Variants in DNAH10 observed in about 807,000 individuals in gnomAD.
DNAH10 encodes the protein dynein axonemal heavy chain 10, also known as axonemal beta dynein heavy chain 10.
DNAH10 carries 348 observed loss-of-function variants against 506.6 expected under a neutral mutation model. The observed-to-expected ratio is 0.69, with a 90% CI of 0.63 to 0.75. The LOEUF is 0.75. Among genes scored for constraint, DNAH10 ranks in the 30% least tolerant of loss-of-function variants. DNAH10 has a pLI of 0.00. For missense variants in DNAH10, 5,179 were observed against 5,787.1 expected (o/e 0.89, Z 3.41); for synonymous variants, 2,059 against 2,198.6 (o/e 0.94, Z 1.78).
chr12:123,830,919 G>A (rs1203985549), intron 26 of DNAH10, among the ~76,000 whole-genome samples: 1 of 152,032 alleles, frequency 6.6e-6, no homozygotes. Context: ...CTCCAGCCTG[G>A]GTGACAGGGT....
In DNAH10 at chr12:123,785,678, C is replaced by T; in HGVS notation, c.1231-68C>T. 1 of 1,096,884 alleles carries T rather than the reference C, an allele frequency of 9.1e-7. No homozygotes were observed. 67.9% of individuals were successfully genotyped at this position (1,096,884 alleles called of 1,614,324 possible). A position where few individuals can be genotyped will look rare whatever the true frequency, so the allele number is the denominator to read the frequency against. On this transcript the variant is annotated intron_variant, in intron 8 of 78. Coordinates refer to ENST00000673944, the MANE Select transcript of DNAH10 (RefSeq NM_001372106.1). The surrounding 1 kb of genome is among the most constrained non-coding windows in gnomAD (Gnocchi z 4.1). ...AAGAGTGAAACTTCTTGCATGCTTA[C>T]TGTTTTATGAAACTATTTGGACCCC...
chr12:123,771,822 C>T, intron 3 of DNAH10, 124 bp downstream of exon 3: 1 of 777,758 alleles, frequency 1.3e-6, no homozygotes, highest in South Asian at 1.8e-5. Context: ...ATTATAGGAT[C>T]CCAAGGCCAC....
chr12:123,816,878 A>G (rs569120590), intron 21 of DNAH10, among the ~76,000 whole-genome samples: 18 of 152,328 alleles, frequency 1.2e-4, no homozygotes, highest in Non-Finnish European at 1.6e-4. Flanking sequence ...TTCCAAAGTG[A>G]TGGTACCCCT....
rs1232453104 is a variant in DNAH10, at chr12:123,853,600, A to G, written c.6438+248A>G. On this transcript the variant is annotated intron_variant, in intron 36 of 78. Transcript: ENST00000673944. This position sits in a 1 kb window ranked among gnomAD's most constrained non-coding sequence, Gnocchi z 4.7. ...ATAGCAACATTTATGATGCTTCCAT[A>G]GTAATAATCTGTAGTCTCAGGATGG... Among the ~76,000 whole-genome samples the G allele has an allele frequency of 1.3e-5, 2 of 152,170 alleles. No individual in the cohort carries two copies. The highest frequency in any genetic ancestry group is 3.8e-4 in the East Asian group (2 of 5,200).
At position 123,929,297 on chromosome 12, in the gene DNAH10, G is replaced by A; in HGVS notation, c.12329G>A (p.Gly4110Glu). ...SLKVVTEPPN[G>E]LKLNMRATYF... ...AAGGTTGTCACCGAGCCACCCAATG[G>A]GCTGAAACTCAACATGAGGGCAACT... Residue 4110 changes from glycine (G) to glutamate (E), a missense_variant, in exon 71 of 79, where the codon GGG becomes GAG. By Grantham distance (98) the Gly-to-Glu change is moderately conservative. Around this residue, in one of 3 missense-constraint regions of DNAH10, gnomAD observed 4,844 missense variants for 5,430.5 expected, o/e 0.89. Transcript: ENST00000673944. 2 of 1,599,660 alleles carry A rather than the reference G, an allele frequency of 1.3e-6. No homozygotes were observed. The highest frequency in any genetic ancestry group is 1.7e-6 in the Non-Finnish European group (2 of 1,173,148).
intron 15 of DNAH10, among the ~76,000 whole-genome samples, chr12:123,800,964 C>G (rs968560774): frequency 2.0e-5 from 3 of 151,902 alleles, no homozygotes; most frequent in Non-Finnish European, 4.4e-5. Context: ...TTGCAGTGAG[C>G]CGAGATCGTG....
rs772480718 is a variant in DNAH10, at chr12:123,898,678, A to G, written c.9504A>G (p.Gly3168=). The G allele has an allele frequency of 1.3e-6, 2 of 1,593,276 alleles. No homozygotes were observed. Among genetic ancestry groups the G allele is most frequent in the Admixed American group, 1.8e-5 (1 of 56,820 alleles). Residue 3168 remains glycine, a synonymous_variant, in exon 56 of 79, where the codon GGA becomes GGG. Coordinates refer to ENST00000673944, the MANE Select transcript of DNAH10 (RefSeq NM_001372106.1). ...CTCAGTGCAAGCGTCTGGATGGGGG[A>G]CTGGACAAGCTGAAGGAGGCCACCA... The part of the protein sequence containing the change: ...NIAQCKRLDG[G]LDKLKEATIQ...
chr12:123,881,789 GGCT>G lies in DNAH10; in HGVS notation c.8802_8804del (p.Ala2935del), dbSNP rs1291420873. ...CAGGGAAGCAGTCTCTTTCGAGGCT[GGCT>G]GCCTTCACAGCCAGCTGTGAGGTCA... is the stretch of plus-strand genomic sequence containing the variant. On this transcript the variant is annotated inframe_deletion, in exon 51 of 79. Coordinates refer to ENST00000673944, the MANE Select transcript of DNAH10 (RefSeq NM_001372106.1). 6.6e-7 allele frequency: 1 copy of G among 1,515,668 alleles called. No individual in the cohort carries two copies. The highest frequency in any genetic ancestry group is 2.4e-5 in the Admixed American group (1 of 41,168). The allele number at this position is 1,515,668 out of a possible 1,614,324, so 93.9% of individuals were successfully genotyped here. A position where few individuals can be genotyped will look rare whatever the true frequency, so the allele number is the denominator to read the frequency against.
chr12:123,826,419 T>G (rs1290435538), intron 24 of DNAH10, among the ~76,000 whole-genome samples: 1 of 152,168 alleles, frequency 6.6e-6, no homozygotes, highest in African/African-American at 2.4e-5. Context: ...ACCTCTCACT[T>G]TTGTCTTTAG....
At chr12:123,823,616 A>G (rs571106749) in intron 24 of DNAH10, among the ~76,000 whole-genome samples, 1 of 152,306 alleles carries the variant, frequency 6.6e-6, no homozygotes, top group Admixed American at 6.5e-5. Context: ...TGGTTTTAAA[A>G]TGTTTAATTT....
intron 29 of DNAH10, 63 bp from the exon 30 acceptor site, chr12:123,841,259 T>TG: frequency 6.4e-7 from 1 of 1,558,478 alleles, no homozygotes; most frequent in Non-Finnish European, 8.9e-7. Flanking sequence ...GGAGCACCGC[T>TG]GGCTGGTCTT....
intron 39 of DNAH10, among the ~76,000 whole-genome samples, chr12:123,864,147 T>TC (rs1555236404): frequency 2.0e-5 from 3 of 146,724 alleles, no homozygotes; most frequent in Admixed American, 6.7e-5. Flanking sequence ...TTTTTTCTTT[T>TC]TTTTTTTTTT....
chr12:123,894,839 A>G, intron 54 of DNAH10, 116 bp downstream of exon 54: 1 of 893,980 alleles, frequency 1.1e-6, no homozygotes, highest in Non-Finnish European at 1.7e-6. Context: ...CCCTATGGTA[A>G]CAAATGGCTT....
intron 54 of DNAH10, among the ~76,000 whole-genome samples, chr12:123,897,210 G>A (rs900856653): frequency 1.3e-5 from 2 of 152,262 alleles, no homozygotes; most frequent in African/African-American, 4.8e-5. Context: ...TACTATCCCC[G>A]GTATAGATAG....
chr12:123,836,392 T>C (rs1161651076), intron 28 of DNAH10, among the ~76,000 whole-genome samples: 2 of 152,270 alleles, frequency 1.3e-5, no homozygotes, highest in Non-Finnish European at 2.9e-5. Flanking sequence ...TCATAAATAA[T>C]GTACAGGTTC....
intron 5 of DNAH10, among the ~76,000 whole-genome samples, chr12:123,777,413 A>G (rs188176817): frequency 6.4e-4 from 98 of 152,342 alleles, no homozygotes; most frequent in African/African-American, 2.3e-3. Flanking sequence ...GAAGAGCTGG[A>G]GGGCTTGGCC....
intron 44 of DNAH10, among the ~76,000 whole-genome samples, 191 bp from the exon 45 acceptor site, chr12:123,871,266 C>T (rs950748396): frequency 2.0e-5 from 3 of 152,152 alleles, no homozygotes; most frequent in African/African-American, 4.8e-5. Context: ...TGGTGATGGT[C>T]GCGCCGCTGC....
At chr12:123,806,768 G>GTT (rs759640354) in intron 18 of DNAH10, among the ~76,000 whole-genome samples, 65 of 135,858 alleles carry the variant, frequency 4.8e-4, no homozygotes, top group African/African-American at 1.2e-3. Flanking sequence ...AATATGCTAT[G>GTT]TTTTTTTTTT....
intron 47 of DNAH10, among the ~76,000 whole-genome samples, chr12:123,876,768 C>T (rs1379150474): frequency 6.6e-6 from 1 of 152,126 alleles, no homozygotes; most frequent in Non-Finnish European, 1.5e-5. Flanking sequence ...TCAAGACCAG[C>T]CTGGGCAATG....
Sources: allele counts gnomAD v4.1 joint callset (sites outside exome capture counted in the v4.1 genomes callset), GRCh38; gene constraint gnomAD v4.1.1; regional missense constraint gnomAD v4.1.1; non-coding constraint Gnocchi (gnomAD v3.1); transcripts MANE v1.5; gene names NCBI Gene and HGNC (gene_info 2026-07-23, HGNC 2026-07-21).